Variants in MLYCD observed in about 807,000 individuals in gnomAD.
The protein encoded by MLYCD is malonyl-CoA decarboxylase, mitochondrial.
A neutral mutation model predicts 35.8 loss-of-function variants in MLYCD; 27 were observed. That is an observed-to-expected ratio of 0.75 (90% CI 0.56 to 1.04). The LOEUF is 1.04. Ranked by LOEUF, MLYCD falls within the 50% of genes least tolerant of loss-of-function variation. The pLI is 0.00. For synonymous variants in MLYCD, 403 were observed against 302.4 expected, an observed-to-expected ratio of 1.33 and a Z score of -3.45; for missense variants, 917 against 665.1, an observed-to-expected ratio of 1.38 and a Z score of -4.17.
At position 83,902,528 on chromosome 16, in the gene MLYCD, C is replaced by T. The variant is rs561205462; in HGVS notation, c.528+2856C>T. ...GATTTTTTTTTTTTTTTTTTTGAGA[C>T]AGAGTCTTGCTCTGTTGCCCAGGCT... On this transcript the variant is annotated intron_variant, in intron 1 of 4. Transcript: ENST00000262430. Among the ~76,000 whole-genome samples, 75 of 116,942 alleles carry T rather than the reference C, an allele frequency of 6.4e-4. No homozygotes were observed. The East Asian group carries it at 0.014, about 21-fold the overall frequency. 76.7% of individuals were successfully genotyped at this position (116,942 alleles called of 152,430 possible). A position where few individuals can be genotyped will look rare whatever the true frequency, so the allele number is the denominator to read the frequency against.
At chr16:83,914,847 T>G in intron 4 of MLYCD, 109 bp from the exon 5 acceptor site, 2 of 1,483,004 alleles carry the variant, frequency 1.3e-6, no homozygotes, top group East Asian at 4.5e-5. Context: ...CTCTGACCGC[T>G]ACACAGCAGC....
chr16:83,911,559 A>T, intron 3 of MLYCD: 6 of 153,548 alleles, frequency 3.9e-5, no homozygotes, highest in Admixed American at 1.9e-4. Context: ...ATGAGAGGCA[A>T]TAAACTCAGA....
chr16:83,901,959 C>G (rs1438357671), intron 1 of MLYCD, among the ~76,000 whole-genome samples: 1 of 152,036 alleles, frequency 6.6e-6, no homozygotes. Context: ...ATAATGGCTT[C>G]AGGAGCCTTT....
intron 4 of MLYCD, chr16:83,914,386 CG>C (rs1038442281): frequency 6.1e-5 from 11 of 180,404 alleles, no homozygotes; most frequent in Admixed American, 2.1e-4. Context: ...GAGCAGCTTC[CG>C]GGGCCTCACA....
chr16:83,912,055 G>C, intron 3 of MLYCD, 163 bp from the exon 4 acceptor site: 3 of 987,908 alleles, frequency 3.0e-6, no homozygotes, highest in Non-Finnish European at 4.7e-6. Flanking sequence ...TTTCAAAACA[G>C]AGCAGCTTTT....
chr16:83,899,517 G>T lies in MLYCD; in HGVS notation c.373G>T (p.Ala125Ser). 6.3e-7 allele frequency: 1 copy of T among 1,588,542 alleles called. No individual in the cohort carries two copies. The highest frequency in any genetic ancestry group is 8.5e-7 in the Non-Finnish European group (1 of 1,176,032). The change falls in exon 1 of 5, where the codon GCC becomes TCC. Residue 125 changes from alanine (A) to serine (S), a missense_variant. Ala to Ser is a moderately conservative substitution (Grantham distance 99). Coordinates refer to ENST00000262430, the MANE Select transcript of MLYCD (RefSeq NM_012213.3). ...QQREAAVLLQ[A>S]EDRLRYALVP... ...GCGGGAGGCGGCGGTGCTGCTGCAG[G>T]CCGAGGACCGGCTGCGCTACGCGCT...
In MLYCD at chr16:83,921,427, GAT is replaced by G. The variant is rs1907650486; in HGVS notation, c.*5939_*5940del. ...TGGATGGAAGGAAGGAGGATGGATG[GAT>G]GGATGGGTGGGTGGGTGGGTGGATG... is the stretch of plus-strand genomic sequence containing the variant. On this transcript the variant is annotated 3_prime_UTR_variant, in exon 5 of 5. Transcript: ENST00000262430. 1 of 138,448 alleles carries G rather than the reference GAT, an allele frequency of 7.2e-6. No homozygotes were observed. Among genetic ancestry groups the G allele is most frequent in the Non-Finnish European group, 1.6e-5 (1 of 63,752 alleles). 8.6% of individuals were successfully genotyped at this position (138,448 alleles called of 1,614,324 possible).
chr16:83,911,812 C>G (rs1413854456), intron 3 of MLYCD: 10 of 251,366 alleles, frequency 4.0e-5, no homozygotes, highest in Admixed American at 3.1e-4. Context: ...TGGGAAACGT[C>G]AGTCCTTTAG....
Position 83,899,482 on chromosome 16 carries a change from G to A in MLYCD, c.338G>A (p.Arg113His). Residue 113 changes from arginine to histidine, a missense_variant, in exon 1 of 5, where the codon CGC (arginine) becomes CAC (histidine). Transcript: ENST00000262430. ...CAGAGCGCCGGCGTGCTCCATCTGC[G>A]CCAGCAGCAGCGGGAGGCGGCGGTG... ...AEQSAGVLHL[R>H]QQQREAAVLL... The A allele has an allele frequency of 6.4e-7, 1 of 1,560,232 alleles. No individual in the cohort carries two copies. Among genetic ancestry groups the A allele is most frequent in the Non-Finnish European group, 8.6e-7 (1 of 1,163,584 alleles).
intron 1 of MLYCD, among the ~76,000 whole-genome samples, chr16:83,905,649 G>A (rs1195390131): frequency 6.6e-6 from 1 of 152,192 alleles, no homozygotes; most frequent in Non-Finnish European, 1.5e-5. Flanking sequence ...AAAAAGATGG[G>A]CCAAGGGCCT....
chr16:83,902,753 G>T (rs540911590), intron 1 of MLYCD, among the ~76,000 whole-genome samples: 6 of 152,128 alleles, frequency 3.9e-5, no homozygotes, highest in Non-Finnish European at 8.8e-5. Flanking sequence ...TGATCCGCCC[G>T]CCTTGGCCTT....
At chr16:83,913,121 A>G (rs57018142) in intron 4 of MLYCD, 8,012 of 153,162 alleles carry the variant, frequency 0.052, 257 homozygotes, top group East Asian at 0.11. Context: ...TGGCTGCAGC[A>G]GAGGCCTTCC....
intron 1 of MLYCD, among the ~76,000 whole-genome samples, chr16:83,902,415 T>C (rs930224554): frequency 6.6e-6 from 1 of 151,652 alleles, no homozygotes; most frequent in African/African-American, 2.4e-5. Flanking sequence ...GATTGTTCTG[T>C]ACCTATAAAC....
At chr16:83,905,058 G>A (rs1338548637) in intron 1 of MLYCD, among the ~76,000 whole-genome samples, 1 of 152,158 alleles carries the variant, frequency 6.6e-6, no homozygotes, top group Non-Finnish European at 1.5e-5. Flanking sequence ...AGGCGTCAAA[G>A]TTCTGAGTCC....
Position 83,915,012 on chromosome 16 carries a change from C to A in MLYCD, c.1005C>A (p.Thr335=), listed in dbSNP as rs752690201. ...FSSLSPIPGF[T]KWLLGLLNSQ... is the part of the protein sequence containing the mutation. ...GTCTGTCACCTATACCTGGTTTCACCAAATGGCTTCTGGGGCTTCTGAACT... is the reference window on the plus strand; with the variant it reads ...GTCTGTCACCTATACCTGGTTTCACAAAATGGCTTCTGGGGCTTCTGAACT... The change falls in exon 5 of 5, where the codon ACC becomes ACA. Residue 335 remains threonine (T), a synonymous_variant. Coordinates refer to ENST00000262430, the MANE Select transcript of MLYCD (RefSeq NM_012213.3). The A allele has an allele frequency of 1.2e-6, 2 of 1,614,200 alleles. No individual in the cohort carries two copies. Among genetic ancestry groups the A allele is most frequent in the Non-Finnish European group, 1.7e-6 (2 of 1,180,042 alleles).
intron 1 of MLYCD, among the ~76,000 whole-genome samples, chr16:83,902,131 ATGTG>A (rs148766722): frequency 1.0e-4 from 13 of 126,632 alleles, no homozygotes; most frequent in Non-Finnish European, 1.0e-4. Context: ...GTATGTGTAT[ATGTG>A]TGTGTGTGTG....
chr16:83,919,717 A>G lies in MLYCD; in HGVS notation c.*4228A>G, dbSNP rs1291487680. The G allele has an allele frequency of 7.3e-6, 1 of 136,466 alleles. No homozygotes were observed. 8.5% of individuals were successfully genotyped at this position (136,466 alleles called of 1,614,324 possible). Reference sequence around the variant, plus strand: ...CAGAACACACGGGGCACAGGAGAACACACAGTGCACAGAACACACAGTGCA... The same window carrying G: ...CAGAACACACGGGGCACAGGAGAACGCACAGTGCACAGAACACACAGTGCA... On this transcript the variant is annotated 3_prime_UTR_variant, in exon 5 of 5. Coordinates refer to ENST00000262430, the MANE Select transcript of MLYCD (RefSeq NM_012213.3).
rs1907760053 is a variant in MLYCD at position 83,924,929 on chromosome 16, C to G, written c.*9440C>G. ...GGCCATCCCCACCTGTGCTCCGCCA[C>G]TCTTAGTCAGCCATTCCTCTCGGCT... is the stretch of plus-strand genomic sequence containing the variant. On this transcript the variant is annotated 3_prime_UTR_variant, in exon 5 of 5. Coordinates refer to ENST00000262430, the MANE Select transcript of MLYCD (RefSeq NM_012213.3). The G allele has an allele frequency of 6.6e-6, 1 of 152,396 alleles. No individual in the cohort carries two copies. The highest frequency in any genetic ancestry group is 6.5e-5 in the Admixed American group (1 of 15,284). The allele number at this position is 152,396 out of a possible 1,614,324, so 9.4% of individuals were successfully genotyped here.
intron 1 of MLYCD, among the ~76,000 whole-genome samples, chr16:83,905,315 G>T (rs192625281): frequency 3.9e-5 from 6 of 152,204 alleles, no homozygotes; most frequent in African/African-American, 7.2e-5. Context: ...AGATTCAGAA[G>T]GTCATTCTTG....
Sources: gnomAD v4.1 joint callset for allele counts (sites outside exome capture counted in the v4.1 genomes callset) on GRCh38, gnomAD v4.1.1 for gene constraint, MANE v1.5 for transcripts, NCBI Gene and HGNC (gene_info 2026-07-23, HGNC 2026-07-21) for gene names.